The following RMND5A variants were observed in gnomAD, a reference collection of about 807,000 sequenced individuals.
The protein encoded by RMND5A is E3 ubiquitin-protein transferase RMND5A.
RMND5A carries 17 observed loss-of-function variants against 49.7 expected under a neutral mutation model. The ratio of observed to expected loss-of-function variants is 0.34; its 90% CI spans 0.23 to 0.51. The LOEUF (loss-of-function observed/expected upper bound fraction) is 0.51. RMND5A is among the 20% of genes least tolerant of loss of function. The pLI, the probability that RMND5A is intolerant of heterozygous loss-of-function variation, is 0.96. For synonymous variants in RMND5A, 156 were observed against 167.7 expected, an observed-to-expected ratio of 0.93 and a Z score of 0.54; for missense variants, 255 against 471.3, an observed-to-expected ratio of 0.54 and a Z score of 4.25.
chr2:86,742,327 A>C (rs1462545044), intron 2 of RMND5A, among the ~76,000 whole-genome samples: 2 of 152,002 alleles, frequency 1.3e-5, no homozygotes, highest in East Asian at 3.9e-4. Flanking sequence ...GGAGATTGTG[A>C]CTGGGGAGAT....
intron 2 of RMND5A, among the ~76,000 whole-genome samples, chr2:86,744,470 A>T (rs977715324): frequency 6.6e-6 from 1 of 152,158 alleles, no homozygotes; most frequent in African/African-American, 2.4e-5. Context: ...TTATGGACAC[A>T]TGCTCCCACC....
intron 3 of RMND5A, 83 bp downstream of exon 3, chr2:86,752,113 G>C (rs1681646298): frequency 1.6e-6 from 2 of 1,274,226 alleles, no homozygotes; most frequent in Non-Finnish European, 2.2e-6. Flanking sequence ...GTGGGGTTTT[G>C]AGTCTTCCTC....
At chr2:86,743,997 A>G (rs970789590) in intron 2 of RMND5A, among the ~76,000 whole-genome samples, 5 of 151,496 alleles carry the variant, frequency 3.3e-5, no homozygotes, top group East Asian at 1.9e-4. Flanking sequence ...AAAAAAATAC[A>G]TACATACATA....
rs553936846 is a variant in RMND5A, at chr2:86,746,863, A to C, written c.286-5033A>C. ...ATAAAGCAATAACATAACAGTGTGAATCTACCTTTCTCTTAATGTTGATAA... is the reference window on the plus strand; with the variant it reads ...ATAAAGCAATAACATAACAGTGTGACTCTACCTTTCTCTTAATGTTGATAA... On this transcript the variant is annotated intron_variant, in intron 2 of 8. Transcript: ENST00000283632. Among the ~76,000 whole-genome samples, 17 of 152,356 alleles carry C rather than the reference A, an allele frequency of 1.1e-4. No homozygotes were observed. In the South Asian group the frequency reaches 2.9e-3, roughly 26 times the overall value.
chr2:86,761,163 T>C (rs1209364239), intron 4 of RMND5A, among the ~76,000 whole-genome samples: 1 of 152,178 alleles, frequency 6.6e-6, no homozygotes, highest in Non-Finnish European at 1.5e-5. Flanking sequence ...GAAGCTGCTA[T>C]TGTGAGTAAG....
chr2:86,764,480 C>A (rs1337277132), intron 4 of RMND5A, among the ~76,000 whole-genome samples: 1 of 152,162 alleles, frequency 6.6e-6, no homozygotes, highest in Non-Finnish European at 1.5e-5. Context: ...TTGTACAAAT[C>A]ATTTTGCACA....
Position 86,720,679 on chromosome 2 carries a change from C to T in RMND5A, c.12C>T (p.Cys4=). The change falls in exon 1 of 9, where the codon TGC becomes TGT. Residue 4 remains cysteine (C), a synonymous_variant. Coordinates refer to ENST00000283632, the MANE Select transcript of RMND5A (RefSeq NM_022780.4). The part of the protein sequence containing the change: MDQ[C]VTVERELEKV... ...CCGCCGCCTCCGGCATGGATCAGTG[C>T]GTGACGGTGGAGCGCGAGCTGGAGA... is the stretch of plus-strand genomic sequence containing the variant. 6.4e-7 allele frequency: 1 copy of T among 1,564,520 alleles called. No homozygotes were observed. The highest frequency in any genetic ancestry group is 8.6e-7 in the Non-Finnish European group (1 of 1,158,054).
chr2:86,745,830 T>C (rs1489745012), intron 2 of RMND5A, among the ~76,000 whole-genome samples: 1 of 152,188 alleles, frequency 6.6e-6, no homozygotes, highest in African/African-American at 2.4e-5. Flanking sequence ...TACCCAGGTA[T>C]ATAATTTGGA....
At chr2:86,767,167 G>A (rs7349247) in intron 6 of RMND5A, among the ~76,000 whole-genome samples, 3,393 of 152,164 alleles carry the variant, frequency 0.022, 116 homozygotes, top group East Asian at 0.1. Flanking sequence ...GGGTTCAAGC[G>A]ATTCTCCTGC....
At position 86,773,701 on chromosome 2, in the gene RMND5A, T is replaced by C. The variant is rs1410097530; in HGVS notation, c.*290T>C. 4 of 234,960 alleles carry C rather than the reference T, an allele frequency of 1.7e-5. No homozygotes were observed. Among genetic ancestry groups the C allele is most frequent in the Non-Finnish European group, 3.3e-5 (4 of 122,324 alleles). The allele number at this position is 234,960 out of a possible 1,614,324, so 14.6% of individuals were successfully genotyped here. ...TAATTATATGGTGATTTTTTTACTT[T>C]TTAAGAGCAGAAACGGAAATTGACC... On this transcript the variant is annotated 3_prime_UTR_variant, in exon 9 of 9. Coordinates refer to ENST00000283632, the MANE Select transcript of RMND5A (RefSeq NM_022780.4).
rs552178005 is a variant in RMND5A at position 86,774,899 on chromosome 2, A to C, written c.*1488A>C. 19 of 152,782 alleles carry C rather than the reference A, an allele frequency of 1.2e-4. No homozygotes were observed. The highest frequency in any genetic ancestry group is 3.8e-4 in the African/African-American group (16 of 41,580). 9.5% of individuals were successfully genotyped at this position (152,782 alleles called of 1,614,324 possible). Reference sequence around the variant, plus strand: ...AACTGGCAGCGTTTTACAGTAGTACACCAGCCTGGATGTTTTTTCTAAAAT... The same window carrying C: ...AACTGGCAGCGTTTTACAGTAGTACCCCAGCCTGGATGTTTTTTCTAAAAT... On this transcript the variant is annotated 3_prime_UTR_variant, in exon 9 of 9. Coordinates refer to ENST00000283632, the MANE Select transcript of RMND5A (RefSeq NM_022780.4).
At chr2:86,767,885 GT>G (rs1368787751) in intron 6 of RMND5A, among the ~76,000 whole-genome samples, 1 of 151,960 alleles carries the variant, frequency 6.6e-6, no homozygotes, top group African/African-American at 2.4e-5. Flanking sequence ...GTGAAACAAG[GT>G]TTTTTTTCAT....
rs373555810 is a variant in RMND5A at position 86,775,429 on chromosome 2, A to G, written c.*2018A>G. The G allele has an allele frequency of 2.7e-5, 4 of 148,050 alleles. No individual in the cohort carries two copies. The highest frequency in any genetic ancestry group is 7.5e-5 in the African/African-American group (3 of 39,994). 9.2% of individuals were successfully genotyped at this position (148,050 alleles called of 1,614,324 possible). ...CCTACACAACGTTTAGGCTTCCTGT[A>G]AGGTTTGAATGAGACAGATGTACTC... On this transcript the variant is annotated 3_prime_UTR_variant, in exon 9 of 9. Transcript: ENST00000283632.
chr2:86,777,051 A>G lies in RMND5A; in HGVS notation c.*3640A>G, dbSNP rs1476846130. On this transcript the variant is annotated 3_prime_UTR_variant, in exon 9 of 9. Coordinates refer to ENST00000283632, the MANE Select transcript of RMND5A (RefSeq NM_022780.4). ...ATACCAAAAATAGAATGACAAATGT[A>G]TTTTAATAGCAGATGAGGCAGTTTT... 1 of 152,202 alleles carries G rather than the reference A, an allele frequency of 6.6e-6. No homozygotes were observed. The highest frequency in any genetic ancestry group is 1.5e-5 in the Non-Finnish European group (1 of 68,036). The allele number at this position is 152,202 out of a possible 1,614,324, so 9.4% of individuals were successfully genotyped here. A position where few individuals can be genotyped will look rare whatever the true frequency, so the allele number is the denominator to read the frequency against.
Position 86,773,475 on chromosome 2 carries a change from C to T in RMND5A, c.*64C>T, listed in dbSNP as rs1672715593. 5 of 1,059,154 alleles carry T rather than the reference C, an allele frequency of 4.7e-6. No homozygotes were observed. The Admixed American group carries it at 5.2e-5, about 11-fold the overall frequency. 65.6% of individuals were successfully genotyped at this position (1,059,154 alleles called of 1,614,324 possible). A position where few individuals can be genotyped will look rare whatever the true frequency, so the allele number is the denominator to read the frequency against. ...ATCGTGGGTGCATTTCAGAAGAGAA[C>T]GTTCCATATAATGCAGCTAACCAAG... is the stretch of plus-strand genomic sequence containing the variant. On this transcript the variant is annotated 3_prime_UTR_variant, in exon 9 of 9. Coordinates refer to ENST00000283632, the MANE Select transcript of RMND5A (RefSeq NM_022780.4).
intron 2 of RMND5A, among the ~76,000 whole-genome samples, chr2:86,747,434 G>C (rs1418612721): frequency 2.0e-5 from 3 of 152,124 alleles, no homozygotes; most frequent in Non-Finnish European, 2.9e-5. Context: ...AGTAGCTATC[G>C]TCTGTTAGTC....
chr2:86,771,746 T>A, intron 8 of RMND5A, 34 bp downstream of exon 8: 3 of 1,575,238 alleles, frequency 1.9e-6, no homozygotes, highest in Non-Finnish European at 2.6e-6. Flanking sequence ...TGTTAGCAAA[T>A]AAATTTTGTT....
chr2:86,736,257 C>T (rs1428170639), intron 1 of RMND5A, among the ~76,000 whole-genome samples: 1 of 88,188 alleles, frequency 1.1e-5, no homozygotes, highest in African/African-American at 3.5e-5. Flanking sequence ...GCTTACAGTT[C>T]ACTGCAGCCT....
At position 86,753,398 on chromosome 2, in the gene RMND5A, C is replaced by A. The variant is rs1681671503; in HGVS notation, c.421-60C>A. On this transcript the variant is annotated intron_variant, in intron 3 of 8. Transcript: ENST00000283632. ...TTTTACAATCTAGAATATACTTTTA[C>A]CACTAGCTCCTTACCCTGATTACTG... 4 of 960,728 alleles carry A rather than the reference C, an allele frequency of 4.2e-6. No individual in the cohort carries two copies. In the East Asian group the frequency reaches 9.6e-5, roughly 23 times the overall value. 59.5% of individuals were successfully genotyped at this position (960,728 alleles called of 1,614,324 possible). A position where few individuals can be genotyped will look rare whatever the true frequency, so the allele number is the denominator to read the frequency against.
Sources: allele counts gnomAD v4.1 joint callset (sites outside exome capture counted in the v4.1 genomes callset), GRCh38; gene constraint gnomAD v4.1.1; transcripts MANE v1.5; gene names NCBI Gene and HGNC (gene_info 2026-07-23, HGNC 2026-07-21).